The following ADORA2B variants were observed in gnomAD, a reference collection of about 807,000 sequenced individuals.
ADORA2B encodes the protein adenosine receptor A2b.
ADORA2B carries 18 observed loss-of-function variants against 20.8 expected under a neutral mutation model. The observed-to-expected ratio is 0.87, with a 90% CI of 0.60 to 1.29. The LOEUF (loss-of-function observed/expected upper bound fraction) is 1.29, where lower values mean the gene tolerates loss of function less well. ADORA2B is among the 50% of genes most tolerant of loss of function. The pLI is 0.00. For synonymous variants in ADORA2B, 179 were observed against 178.3 expected, an observed-to-expected ratio of 1.00 and a Z score of -0.03; for missense variants, 441 against 422.7, an observed-to-expected ratio of 1.04 and a Z score of -0.38.
chr17:15,964,779 T>G (rs1442973996), intron 1 of ADORA2B, among the ~76,000 whole-genome samples: 3 of 148,884 alleles, frequency 2.0e-5, no homozygotes, highest in Admixed American at 6.7e-5. Flanking sequence ...AAAAAAAATC[T>G]GGCCGGGCGC....
chr17:15,947,026 A>G (rs954686541), intron 1 of ADORA2B, among the ~76,000 whole-genome samples: 34 of 152,148 alleles, frequency 2.2e-4, no homozygotes, highest in African/African-American at 8.2e-4. Flanking sequence ...CCCAGCAGGA[A>G]CAGGAGCCTC....
At chr17:15,938,059 A>G in the ADORA2B span, among the ~76,000 whole-genome samples, 2 of 152,068 alleles carry the variant, frequency 1.3e-5, no homozygotes, top group Non-Finnish European at 2.9e-5. Context: ...AGACAGTTTT[A>G]TCATGCTGGT....
rs1200620584 is a variant in ADORA2B at position 15,945,360 on chromosome 17, C to G, written c.112C>G (p.Leu38Val). ...VCAAVGTANT[L>V]QTPTNYFLVS... The stretch of plus-strand genomic sequence containing the variant: ...CGCCGCGGTGGGCACGGCGAACACT[C>G]TGCAGACGCCCACCAACTACTTCCT... The change falls in exon 1 of 2, where the codon CTG (leucine) becomes GTG (valine). Residue 38 changes from leucine (L) to valine (V), a missense_variant. Coordinates refer to ENST00000304222, the MANE Select transcript of ADORA2B (RefSeq NM_000676.4). The G allele has an allele frequency of 6.2e-7, 1 of 1,610,848 alleles. No homozygotes were observed. The highest frequency in any genetic ancestry group is 1.3e-5 in the African/African-American group (1 of 74,918).
At chr17:15,955,288 T>C (rs1018522294) in intron 1 of ADORA2B, among the ~76,000 whole-genome samples, 26 of 152,236 alleles carry the variant, frequency 1.7e-4, no homozygotes, top group Non-Finnish European at 3.5e-4. Flanking sequence ...TTTGGAGTAC[T>C]TGGGTGCCCT....
chr17:15,868,273 C>A, the ADORA2B span, among the ~76,000 whole-genome samples: 2 of 135,254 alleles, frequency 1.5e-5, no homozygotes, highest in South Asian at 4.7e-4. Flanking sequence ...AAACCAGAGA[C>A]CTTTGTTCAC....
the ADORA2B span, among the ~76,000 whole-genome samples, chr17:15,868,638 G>T: frequency 8.2e-5 from 11 of 133,772 alleles, 1 homozygote; most frequent in African/African-American, 2.7e-4. Context: ...AAAATAGCTG[G>T]GCGTAGTGGC....
At chr17:15,970,156 TA>T (rs2151609570) in intron 1 of ADORA2B, among the ~76,000 whole-genome samples, 1 of 152,354 alleles carries the variant, frequency 6.6e-6, no homozygotes, top group South Asian at 2.1e-4. Flanking sequence ...TGTTTCCCAT[TA>T]GCTTATGTTC....
At chr17:15,910,431 AG>A in the ADORA2B span, among the ~76,000 whole-genome samples, 1,442 of 151,910 alleles carry the variant, frequency 9.5e-3, 29 homozygotes, top group African/African-American at 0.033. Context: ...CTAAGTAGCT[AG>A]AATTACAGGC....
the ADORA2B span, among the ~76,000 whole-genome samples, chr17:15,878,946 G>A: frequency 6.6e-6 from 1 of 152,058 alleles, no homozygotes; most frequent in Non-Finnish European, 1.5e-5. Context: ...TTTGGTTATG[G>A]TGTATTACTG....
At chr17:15,939,730 G>A in the ADORA2B span, among the ~76,000 whole-genome samples, 5 of 151,602 alleles carry the variant, frequency 3.3e-5, no homozygotes, top group East Asian at 1.9e-4. Context: ...GTGTGGTGGC[G>A]GGTGCCTGTA....
At chr17:15,937,590 T>G in the ADORA2B span, among the ~76,000 whole-genome samples, 1 of 152,010 alleles carries the variant, frequency 6.6e-6, no homozygotes, top group Non-Finnish European at 1.5e-5. Flanking sequence ...CTTTTTTTTT[T>G]TAATGGAGTT....
intron 1 of ADORA2B, among the ~76,000 whole-genome samples, chr17:15,946,433 A>G (rs760591377): frequency 5.3e-5 from 8 of 152,312 alleles, no homozygotes; most frequent in Non-Finnish European, 1.2e-4. Context: ...TCCCAGTTGG[A>G]GCTGATGACT....
chr17:15,963,310 C>T (rs748069688), intron 1 of ADORA2B, among the ~76,000 whole-genome samples: 3 of 152,114 alleles, frequency 2.0e-5, no homozygotes, highest in Admixed American at 6.5e-5. Flanking sequence ...TCCCCAAACA[C>T]GTACCACAAG....
the ADORA2B span, among the ~76,000 whole-genome samples, chr17:15,854,223 G>A: frequency 6.6e-6 from 1 of 152,126 alleles, no homozygotes; most frequent in Non-Finnish European, 1.5e-5. Context: ...CCAAAGTGCT[G>A]GGATTACAGG....
At chr17:15,928,960 G>A in the ADORA2B span, among the ~76,000 whole-genome samples, 1 of 152,062 alleles carries the variant, frequency 6.6e-6, no homozygotes, top group Non-Finnish European at 1.5e-5. Flanking sequence ...GGAAGGAGAG[G>A]GGAGGAATAT....
At chr17:15,904,404 T>A in the ADORA2B span, among the ~76,000 whole-genome samples, 6 of 150,102 alleles carry the variant, frequency 4.0e-5, no homozygotes, top group Non-Finnish European at 5.9e-5. Flanking sequence ...TTTTTTTTTT[T>A]TTTTTTTGAG....
the ADORA2B span, among the ~76,000 whole-genome samples, chr17:15,876,422 TTTC>T: frequency 1.0e-4 from 15 of 143,974 alleles, no homozygotes; most frequent in African/African-American, 2.8e-4. Flanking sequence ...GTCTTTTTTT[TTTC>T]TTTCTTTCTT....
At chr17:15,864,533 G>A in the ADORA2B span, among the ~76,000 whole-genome samples, 6 of 152,008 alleles carry the variant, frequency 3.9e-5, no homozygotes, top group Admixed American at 6.6e-5. Context: ...TTCTCTGGCT[G>A]ACTCCCTGAA....
rs1319610113 is a variant in ADORA2B at position 15,975,452 on chromosome 17, C to G, written c.*110C>G. ...TACACCTCACAAGGAAATGGACTGC[C>G]TCTCTTGAGCACTTCCCTGGAGCTA... On this transcript the variant is annotated 3_prime_UTR_variant, in exon 2 of 2. Transcript: ENST00000304222. 1 of 1,153,242 alleles carries G rather than the reference C, an allele frequency of 8.7e-7. No individual in the cohort carries two copies. The highest frequency in any genetic ancestry group is 1.2e-6 in the Non-Finnish European group (1 of 818,296). 71.4% of individuals were successfully genotyped at this position (1,153,242 alleles called of 1,614,324 possible).
Sources: allele counts gnomAD v4.1 joint callset (sites outside exome capture counted in the v4.1 genomes callset), GRCh38; gene constraint gnomAD v4.1.1; transcripts MANE v1.5; gene names NCBI Gene and HGNC (gene_info 2026-07-23, HGNC 2026-07-21).